The following FMO5 variants were observed in gnomAD, a reference collection of about 807,000 sequenced individuals.
The protein encoded by FMO5 is flavin-containing monooxygenase 5.
A neutral mutation model predicts 43.6 loss-of-function variants in FMO5; 51 were observed. That is an observed-to-expected ratio of 1.17 (90% confidence interval 0.93 to 1.48). The LOEUF is 1.48. Ranked by LOEUF, FMO5 falls within the 40% of genes most tolerant of loss-of-function variation. The pLI, the probability that FMO5 is intolerant of heterozygous loss-of-function variation, is 0.00. For missense variants in FMO5, 644 were observed against 643.0 expected (o/e 1.00, Z -0.02); for synonymous variants, 187 against 216.5 (o/e 0.86, Z 1.20).
rs782089643 is a variant in FMO5, at chr1:147,186,539, A to G, written c.*361T>C. The G allele has an allele frequency of 1.6e-5, 16 of 1,006,094 alleles. No individual in the cohort carries two copies. The highest frequency in any genetic ancestry group is 2.4e-6 in the Non-Finnish European group (2 of 843,982). 62.3% of individuals were successfully genotyped at this position (1,006,094 alleles called of 1,614,324 possible). ...AGAGTTACGTGGAGTAAGCGATTTT[A>G]TACCGATGCTGACTTACTCTCCCTA... On this transcript the variant is annotated 3_prime_UTR_variant, in exon 9 of 9. Coordinates refer to ENST00000254090, the MANE Select transcript of FMO5 (RefSeq NM_001461.4).
intron 4 of FMO5, 37 bp downstream of exon 4, chr1:147,213,271 A>T (rs1661385807): frequency 6.5e-7 from 1 of 1,544,962 alleles, no homozygotes; most frequent in South Asian, 1.3e-5. Flanking sequence ...GGTCACAGGC[A>T]TGGGTCAAGG....
At chr1:147,224,506 T>C (rs781978434) in intron 2 of FMO5, among the ~76,000 whole-genome samples, 44 of 152,066 alleles carry the variant, frequency 2.9e-4, no homozygotes, top group Non-Finnish European at 5.6e-4. Context: ...AGTTTAACTA[T>C]CTTTTTTTAA....
chr1:147,184,532 A>G, downstream of FMO5: 1 of 1,548,362 alleles, frequency 6.5e-7, no homozygotes, highest in Non-Finnish European at 8.7e-7. This position sits in a 1 kb window ranked among gnomAD's most constrained non-coding sequence, Gnocchi z 4.4. Context: ...ACAATTTCTC[A>G]GACTTTCTTT....
At chr1:147,195,284 A>G (rs1657766712) in intron 7 of FMO5, among the ~76,000 whole-genome samples, 1 of 151,752 alleles carries the variant, frequency 6.6e-6, no homozygotes, top group Non-Finnish European at 1.5e-5. Flanking sequence ...ATATCCTACC[A>G]AACCCAAATA....
chr1:147,209,033 TCCTGGTGCTGAGGAAAA>T lies in FMO5; in HGVS notation c.632_648del (p.Val211GlufsTer17). The T allele has an allele frequency of 1.7e-5, 27 of 1,613,876 alleles. No homozygotes were observed. In the Admixed American group the frequency reaches 4.5e-4, roughly 27 times the overall value. On this transcript the variant is annotated frameshift_variant and splice_region_variant, in exon 6 of 9. Coordinates refer to ENST00000254090, the MANE Select transcript of FMO5 (RefSeq NM_001461.4). LOFTEE classifies it high-confidence loss of function. ...ACACGATTCAGGATCCAAGCCCCTC[TCCTGGTGCTGAGGAAAA>T]CCTGGGGCATGGAAGAAATTGTTTG...
intron 1 of FMO5, 35 bp from the exon 2 acceptor site, chr1:147,225,101 A>G: frequency 6.2e-7 from 1 of 1,606,012 alleles, no homozygotes. Context: ...AAAAGCACAC[A>G]TCGGTTAACA....
intron 7 of FMO5, among the ~76,000 whole-genome samples, chr1:147,197,690 G>T (rs1658245384): frequency 6.6e-6 from 1 of 152,118 alleles, no homozygotes; most frequent in Non-Finnish European, 1.5e-5. Flanking sequence ...GGCCTCCCCA[G>T]CCATGCAGAA....
chr1:147,205,965 C>G (rs1659952031), intron 6 of FMO5, among the ~76,000 whole-genome samples: 1 of 152,068 alleles, frequency 6.6e-6, no homozygotes, highest in Non-Finnish European at 1.5e-5. Flanking sequence ...AAACTACCAT[C>G]AAAGTGAACA....
At chr1:147,224,813 C>T in intron 2 of FMO5, 82 bp downstream of exon 2, 1 of 1,431,876 alleles carries the variant, frequency 7.0e-7, no homozygotes, top group Non-Finnish European at 9.8e-7. Context: ...GCCCGGCCAC[C>T]TGACACTGTT....
intron 2 of FMO5, chr1:147,224,240 A>T (rs1553926962): frequency 4.3e-6 from 1 of 232,654 alleles, no homozygotes; most frequent in East Asian, 1.2e-4. Flanking sequence ...ATGGACAGAT[A>T]TGATGAGATT....
At chr1:147,186,158 G>A (rs587695977), downstream of FMO5, 1 of 191,750 alleles carries the variant, frequency 5.2e-6, no homozygotes, top group East Asian at 1.9e-4. Flanking sequence ...ATTTAAAAGA[G>A]ATTTAAAAAG....
rs182461729 is a variant in FMO5, at chr1:147,203,215, C to G, written c.831-1711G>C. The G allele has an allele frequency of 7.3e-4, 655 of 899,304 alleles. 4 individuals are homozygous for G. The African/African-American group carries it at 9.5e-3, about 13-fold the overall frequency. The allele number at this position is 899,304 out of a possible 1,614,324, so 55.7% of individuals were successfully genotyped here. ...GTAAGGAGAATAAGAAAACATCACG[C>G]GATTCTTAGAATACTACTACAAATA... On this transcript the variant is annotated intron_variant, in intron 6 of 8. Coordinates refer to ENST00000254090, the MANE Select transcript of FMO5 (RefSeq NM_001461.4).
intron 5 of FMO5, among the ~76,000 whole-genome samples, chr1:147,209,437 CAAAAAAAAA>C (rs34426233): frequency 4.5e-5 from 5 of 109,900 alleles, no homozygotes; most frequent in African/African-American, 1.4e-4. Context: ...GACTCCGTCT[CAAAAAAAAA>C]AAAAAAAAGA....
chr1:147,204,842 T>C lies in FMO5; in HGVS notation c.831-3338A>G, dbSNP rs1659684898. On this transcript the variant is annotated intron_variant, in intron 6 of 8. Coordinates refer to ENST00000254090, the MANE Select transcript of FMO5 (RefSeq NM_001461.4). Reference sequence around the variant, plus strand: ...AGCTCCTTGCAAGCTTGTATGTTTCTATACACAGCCTCTTCTAATTCTGAA... The same window carrying C: ...AGCTCCTTGCAAGCTTGTATGTTTCCATACACAGCCTCTTCTAATTCTGAA... The C allele has an allele frequency of 1.2e-5, 19 of 1,602,758 alleles. No homozygotes were observed. In the South Asian group the frequency reaches 1.9e-4, roughly 16 times the overall value.
At chr1:147,213,872 T>A (rs1393491349) in intron 3 of FMO5, among the ~76,000 whole-genome samples, 1 of 152,090 alleles carries the variant, frequency 6.6e-6, no homozygotes, top group Admixed American at 6.5e-5. Flanking sequence ...TACCCTAGGT[T>A]CTCTTCTCCT....
At chr1:147,190,308 A>G (rs1656465087) in intron 7 of FMO5, 59 bp from the exon 8 acceptor site, 2 of 1,047,076 alleles carry the variant, frequency 1.9e-6, no homozygotes, top group Admixed American at 1.8e-5. Context: ...CAATAATCCT[A>G]TAAACAATTA....
intron 6 of FMO5, chr1:147,204,182 G>C: frequency 2.2e-6 from 3 of 1,352,928 alleles, no homozygotes; most frequent in Non-Finnish European, 2.1e-6. Context: ...CTTAGTTTCT[G>C]TTATCATGCC....
At chr1:147,203,681 T>A in intron 6 of FMO5, 1 of 1,474,154 alleles carries the variant, frequency 6.8e-7, no homozygotes, top group Non-Finnish European at 9.5e-7. Context: ...TTTGGCTAAT[T>A]CAATTTCTGT....
chr1:147,213,497 G>A (rs1553924294), intron 3 of FMO5, 27 bp from the exon 4 acceptor site: 1 of 1,563,984 alleles, frequency 6.4e-7, no homozygotes, highest in Admixed American at 1.8e-5. Flanking sequence ...TAACCACAGG[G>A]GACATCCCTG....
Sources: gnomAD v4.1 joint callset for allele counts (sites outside exome capture counted in the v4.1 genomes callset) on GRCh38, gnomAD v4.1.1 for gene constraint, Gnocchi (gnomAD v3.1) non-coding constraint, MANE v1.5 for transcripts, NCBI Gene and HGNC (gene_info 2026-07-23, HGNC 2026-07-21) for gene names.